PI4KA: variants seen among roughly 807,000 people sequenced by gnomAD.
PI4KA encodes the protein PI4-kinase alpha.
PI4KA carries 122 observed loss-of-function variants against 271.4 expected under a neutral mutation model. The observed-to-expected ratio is 0.45, with a 90% CI of 0.39 to 0.52. PI4KA has a LOEUF of 0.52. Among genes scored for constraint, PI4KA ranks in the 20% least tolerant of loss-of-function variants. The pLI, the probability that PI4KA is intolerant of heterozygous loss-of-function variation, is 0.00. For synonymous variants in PI4KA, 1,041 were observed against 1,078.8 expected, an observed-to-expected ratio of 0.96 and a Z score of 0.69; for missense variants, 1,969 against 2,769.1, an observed-to-expected ratio of 0.71 and a Z score of 6.48.
At chr22:20,821,885 G>C (rs987763793) in intron 4 of PI4KA, among the ~76,000 whole-genome samples, 1 of 152,170 alleles carries the variant, frequency 6.6e-6, no homozygotes, top group Non-Finnish European at 1.5e-5. Context: ...ATGAGCCACT[G>C]TGCCCAGCCA....
At chr22:20,839,084 G>A (rs1925238451) in intron 1 of PI4KA, among the ~76,000 whole-genome samples, 1 of 152,156 alleles carries the variant, frequency 6.6e-6, no homozygotes, top group South Asian at 2.1e-4. Context: ...AGGCGTGGTG[G>A]CGCACACCTA....
intron 16 of PI4KA, 172 bp downstream of exon 16, chr22:20,798,921 T>A: frequency 1.6e-6 from 1 of 638,842 alleles, no homozygotes; most frequent in Non-Finnish European, 2.7e-6. Flanking sequence ...AACCTCTTTT[T>A]CCCCAGCACT....
chr22:20,713,137 C>G (rs1309900093), intron 48 of PI4KA, 144 bp downstream of exon 48: 20 of 735,616 alleles, frequency 2.7e-5, no homozygotes, highest in Non-Finnish European at 3.8e-5. Context: ...TGCAGAAGCC[C>G]TAATTTACCC....
In PI4KA at chr22:20,722,183, TTTTG is replaced by T. The variant is rs374559280; in HGVS notation, c.4996-769_4996-766del. Among the ~76,000 whole-genome samples the T allele has an allele frequency of 3.0e-3, 462 of 152,194 alleles. 1 individual carries two copies. Among genetic ancestry groups the T allele is most frequent in the African/African-American group, 0.01 (432 of 41,522 alleles). On this transcript the variant is annotated intron_variant, in intron 42 of 54. Transcript: ENST00000255882. The stretch of plus-strand genomic sequence containing the variant: ...TAAATTACCCAGTCTCGGGAAGTTT[TTTTG>T]TTTGTTTGTTTGTTTTTGAGACAGA...
rs1929498306 is a variant in PI4KA, at chr22:20,741,865, A to T, written c.3741+363T>A. Among the ~76,000 whole-genome samples the T allele has an allele frequency of 2.0e-5, 3 of 152,218 alleles. No individual in the cohort carries two copies. In the South Asian group the frequency reaches 6.2e-4, roughly 31 times the overall value. On this transcript the variant is annotated intron_variant, in intron 32 of 54. Transcript: ENST00000255882. ...ACTCCAGAAATACGGATGCAGGGAA[A>T]GGGGGCTGATCCCAAGATTAGGTCA... is the stretch of plus-strand genomic sequence containing the variant.
chr22:20,789,417 C>T (rs1208656191), intron 19 of PI4KA, among the ~76,000 whole-genome samples: 1 of 152,190 alleles, frequency 6.6e-6, no homozygotes, highest in Non-Finnish European at 1.5e-5. Flanking sequence ...GCAACCTCCG[C>T]CTCCTGGGTT....
At chr22:20,837,744 AATACAC>A (rs923790010) in intron 2 of PI4KA, among the ~76,000 whole-genome samples, 1 of 152,220 alleles carries the variant, frequency 6.6e-6, no homozygotes, top group Non-Finnish European at 1.5e-5. Flanking sequence ...TAAATATAAA[AATACAC>A]ATACACAACA....
intron 1 of PI4KA, among the ~76,000 whole-genome samples, chr22:20,848,992 T>C (rs1319106813): frequency 6.6e-6 from 1 of 152,246 alleles, no homozygotes; most frequent in East Asian, 1.9e-4. Flanking sequence ...ATTAAAAAAA[T>C]ACTACAATTT....
chr22:20,734,446 A>T lies in PI4KA; in HGVS notation c.3849T>A (p.Ser1283Arg), dbSNP rs1213224757. ...CTTCGGGGGGACAGGGTTTGGGTTG[A>T]CTTGCTTCCGAGGCAGCCAGGGGGT... ...EADPLAASEASQPKPCPPEVT... is the reference protein window; with the variant it reads ...EADPLAASEARQPKPCPPEVT... The change falls in exon 33 of 55, where the codon AGT becomes AGA. Residue 1283 changes from serine (S) to arginine (R), a missense_variant. This residue lies in a region of PI4KA where 203 missense variants were observed against 256.8 expected (regional missense o/e 0.79). Coordinates refer to ENST00000255882, the MANE Select transcript of PI4KA (RefSeq NM_058004.4). The T allele has an allele frequency of 6.2e-7, 1 of 1,611,840 alleles. No individual in the cohort carries two copies. Among genetic ancestry groups the T allele is most frequent in the Admixed American group, 1.7e-5 (1 of 59,898 alleles).
chr22:20,747,151 A>G (rs143366695), intron 29 of PI4KA, among the ~76,000 whole-genome samples: 211 of 152,356 alleles, frequency 1.4e-3, no homozygotes, highest in African/African-American at 4.7e-3. Context: ...AATCTCTAGC[A>G]GAACAAGAAG....
Position 20,831,698 on chromosome 22 carries a change from G to C in PI4KA, c.367+2864C>G, listed in dbSNP as rs117480680. ...TGCTAAAAGGTCTGCTGTTAGCCTG[G>C]TGGGACTCCCTTTGAAGGTGACCTG... On this transcript the variant is annotated intron_variant, in intron 3 of 54. Coordinates refer to ENST00000255882, the MANE Select transcript of PI4KA (RefSeq NM_058004.4). 2.3e-3 allele frequency among the ~76,000 whole-genome samples: 355 copies of C among 152,278 alleles called. 4 individuals carry two copies. In the East Asian group the frequency reaches 0.055, roughly 24 times the overall value.
At chr22:20,844,409 C>A (rs566412264) in intron 1 of PI4KA, among the ~76,000 whole-genome samples, 1 of 152,202 alleles carries the variant, frequency 6.6e-6, no homozygotes, top group African/African-American at 2.4e-5. Flanking sequence ...TGACACTGAA[C>A]AAGTATCTGC....
chr22:20,741,315 T>C (rs1306466611), intron 32 of PI4KA, among the ~76,000 whole-genome samples: 1 of 152,204 alleles, frequency 6.6e-6, no homozygotes, highest in Non-Finnish European at 1.5e-5. Context: ...ATGTCCACCA[T>C]GCAGGTGAGG....
In PI4KA at chr22:20,801,954, C is replaced by A; in HGVS notation, c.1724+19G>T. 1 of 1,613,330 alleles carries A rather than the reference C, an allele frequency of 6.2e-7. No individual in the cohort carries two copies. Among genetic ancestry groups the A allele is most frequent in the African/African-American group, 1.3e-5 (1 of 74,976 alleles). On this transcript the variant is annotated intron_variant, in intron 14 of 54. Coordinates refer to ENST00000255882, the MANE Select transcript of PI4KA (RefSeq NM_058004.4). Reference sequence around the variant, plus strand: ...GTCTGGAGCACTGCTGTCTACTCGCCACTTGCCCAGCTTCCCACCTGCAGA... The same window carrying A: ...GTCTGGAGCACTGCTGTCTACTCGCAACTTGCCCAGCTTCCCACCTGCAGA...
chr22:20,804,924 C>T (rs780542289), intron 11 of PI4KA, 50 bp downstream of exon 11: 5 of 1,463,438 alleles, frequency 3.4e-6, no homozygotes. Flanking sequence ...GCAAGAAAGC[C>T]TCTGGGTCAT....
At chr22:20,766,007 G>A (rs1056565427) in intron 19 of PI4KA, among the ~76,000 whole-genome samples, 6 of 152,226 alleles carry the variant, frequency 3.9e-5, no homozygotes, top group African/African-American at 1.4e-4. Flanking sequence ...CAGAGAAAGT[G>A]TCATGGGTCT....
At chr22:20,813,566 A>T in intron 7 of PI4KA, 60 bp from the exon 8 acceptor site, 1 of 1,497,676 alleles carries the variant, frequency 6.7e-7, no homozygotes. Flanking sequence ...GTACTTCCTC[A>T]AGCTGACTCC....
intron 28 of PI4KA, among the ~76,000 whole-genome samples, chr22:20,749,555 G>A (rs1300498264): frequency 6.6e-6 from 1 of 152,258 alleles, no homozygotes; most frequent in Admixed American, 6.5e-5. Context: ...GGGCACAGGT[G>A]CCAGCAATGC....
chr22:20,738,342 A>G (rs1928982035), intron 32 of PI4KA, among the ~76,000 whole-genome samples: 1 of 152,204 alleles, frequency 6.6e-6, no homozygotes, highest in African/African-American at 2.4e-5. Context: ...AGTTGGGCAC[A>G]CAGCAGGACC....
Sources: gnomAD v4.1 joint callset for allele counts (sites outside exome capture counted in the v4.1 genomes callset) on GRCh38, gnomAD v4.1.1 for gene constraint, gnomAD v4.1.1 regional missense constraint, MANE v1.5 for transcripts, NCBI Gene and HGNC (gene_info 2026-07-23, HGNC 2026-07-21) for gene names.